Variants in CFAP54 observed in about 807,000 individuals in gnomAD.
The protein encoded by CFAP54 is cilia and flagella associated protein 54, also known as cilia- and flagella-associated protein 54.
CFAP54 carries 290 observed loss-of-function variants against 370.4 expected under a neutral mutation model. The observed-to-expected ratio is 0.78, with a 90% CI of 0.71 to 0.86. CFAP54 has a LOEUF of 0.86. CFAP54 is among the 40% of genes least tolerant of loss of function. The pLI is 0.00. For synonymous variants in CFAP54, 1,206 were observed against 1,236.5 expected (o/e 0.98, Z 0.52); for missense variants, 3,399 against 3,528.7 (o/e 0.96, Z 0.93).
intron 58 of CFAP54, among the ~76,000 whole-genome samples, chr12:96,757,866 A>ATACAGTTATG (rs767126654): frequency 7.9e-5 from 12 of 152,188 alleles, no homozygotes; most frequent in Admixed American, 2.0e-4. Context: ...ATATATAAAT[A>ATACAGTTATG]TACAGTTATG....
At chr12:96,870,238 C>T (rs1017576455) in intron 67 of CFAP54, among the ~76,000 whole-genome samples, 3 of 150,634 alleles carry the variant, frequency 2.0e-5, no homozygotes, top group South Asian at 2.1e-4. Context: ...TCCAGCCTGG[C>T]GACAGAGTGA....
intron 8 of CFAP54, among the ~76,000 whole-genome samples, chr12:96,524,225 T>C (rs1955350728): frequency 6.6e-6 from 1 of 152,208 alleles, no homozygotes. Context: ...TAGTTAGTGA[T>C]TTATTCAATA....
Position 96,594,373 on chromosome 12 carries a change from A to T in CFAP54, c.3443A>T (p.Gln1148Leu), listed in dbSNP as rs1956154662. Residue 1148 changes from glutamine (Q) to leucine (L), a missense_variant, in exon 25 of 68, where the codon CAA becomes CTA. This residue lies in a region of CFAP54 where 2,796 missense variants were observed against 2,869.7 expected (regional missense o/e 0.97). Transcript: ENST00000524981. ...CTAAATGATTCCAGCTATGCCCTTC[A>T]AGCTGTGACTCAATGTTATGGACTT... ...NFLNDSSYALQAVTQCYGLLA... is the reference protein window; with the variant it reads ...NFLNDSSYALLAVTQCYGLLA... The T allele has an allele frequency of 6.5e-7, 1 of 1,534,510 alleles. No individual in the cohort carries two copies. The highest frequency in any genetic ancestry group is 1.4e-5 in the African/African-American group (1 of 73,016).
At chr12:96,725,990 G>A (rs1277503020) in intron 50 of CFAP54, among the ~76,000 whole-genome samples, 15 of 146,094 alleles carry the variant, frequency 1.0e-4, no homozygotes, top group East Asian at 3.9e-4. Context: ...ATTGATTTGC[G>A]TATATTGAAC....
At chr12:96,689,021 A>G (rs748418585) in intron 43 of CFAP54, 39 bp downstream of exon 43, 3 of 1,278,378 alleles carry the variant, frequency 2.3e-6, no homozygotes, top group Non-Finnish European at 3.2e-6. Context: ...ATTGTAGCAC[A>G]ACCATTCATT....
chr12:96,604,206 C>A (rs1565910859), intron 26 of CFAP54, among the ~76,000 whole-genome samples: 2 of 151,820 alleles, frequency 1.3e-5, no homozygotes, highest in East Asian at 3.9e-4. Context: ...TTCTAATAGG[C>A]CCCTCAGCTG....
intron 55 of CFAP54, among the ~76,000 whole-genome samples, chr12:96,746,432 C>T (rs1958115090): frequency 6.6e-6 from 1 of 152,028 alleles, no homozygotes. Flanking sequence ...AGTTCATCAC[C>T]AAGGACTTAA....
intron 19 of CFAP54, among the ~76,000 whole-genome samples, chr12:96,574,472 C>T (rs1045633225): frequency 6.6e-6 from 1 of 151,894 alleles, no homozygotes; most frequent in South Asian, 2.1e-4. Context: ...CACTAAGAGT[C>T]CTATTTTGTG....
At chr12:96,588,686 C>A (rs903508047) in intron 22 of CFAP54, among the ~76,000 whole-genome samples, 6 of 151,164 alleles carry the variant, frequency 4.0e-5, no homozygotes, top group African/African-American at 1.5e-4. Context: ...TTAGCTGTTT[C>A]CATAAAGGAT....
In CFAP54 at chr12:96,527,228, T is replaced by C. The variant is rs1328616339; in HGVS notation, c.1159-18T>C. ...AGCTTTAACAAATGGACTGAACTTT[T>C]TTTTTTCTCAATTTCAGTTATCATG... On this transcript the variant is annotated intron_variant, in intron 8 of 67. Coordinates refer to ENST00000524981, the MANE Select transcript of CFAP54 (RefSeq NM_001306084.2). The C allele has an allele frequency of 2.0e-6, 3 of 1,501,868 alleles. No individual in the cohort carries two copies. In the Admixed American group the frequency reaches 6.7e-5, roughly 34 times the overall value. 93.0% of individuals were successfully genotyped at this position (1,501,868 alleles called of 1,614,324 possible).
At chr12:96,567,284 G>T (rs546299136) in intron 19 of CFAP54, among the ~76,000 whole-genome samples, 1 of 152,320 alleles carries the variant, frequency 6.6e-6, no homozygotes, top group African/African-American at 2.4e-5. Context: ...GGAGAGGATA[G>T]TAGCACGGGA....
At chr12:96,607,643 C>T (rs921346530) in intron 26 of CFAP54, among the ~76,000 whole-genome samples, 1 of 152,142 alleles carries the variant, frequency 6.6e-6, no homozygotes, top group Non-Finnish European at 1.5e-5. Flanking sequence ...AAGGAATAGG[C>T]TTCCTGAGTC....
At chr12:96,867,296 T>A (rs559119843) in intron 67 of CFAP54, among the ~76,000 whole-genome samples, 23 of 152,176 alleles carry the variant, frequency 1.5e-4, no homozygotes, top group African/African-American at 5.3e-4. Context: ...TAAAAAAAAA[T>A]TATCAAATTC....
At chr12:96,629,469 C>T (rs946156169) in intron 30 of CFAP54, among the ~76,000 whole-genome samples, 12 of 136,230 alleles carry the variant, frequency 8.8e-5, no homozygotes, top group African/African-American at 3.1e-4. Flanking sequence ...CCACGCCCAA[C>T]TAATTTTTTT....
chr12:96,544,521 C>A (rs1317181847), intron 14 of CFAP54, among the ~76,000 whole-genome samples: 1 of 151,860 alleles, frequency 6.6e-6, no homozygotes, highest in East Asian at 1.9e-4. Flanking sequence ...ATACTCTAAT[C>A]TTCTCCTGCC....
chr12:96,646,178 G>A (rs1315142980), intron 33 of CFAP54: 2 of 152,084 alleles, frequency 1.3e-5, no homozygotes, highest in Non-Finnish European at 2.9e-5. Context: ...TACAGAATGG[G>A]AGAAAATTTT....
intron 6 of CFAP54, 113 bp downstream of exon 6, chr12:96,519,184 C>T (rs965669777): frequency 2.3e-5 from 24 of 1,051,570 alleles, no homozygotes; most frequent in African/African-American, 2.3e-4. Context: ...CTGCAACGTC[C>T]ACCTCCCAGG....
intron 48 of CFAP54, among the ~76,000 whole-genome samples, chr12:96,713,816 A>T (rs1957641954): frequency 2.6e-5 from 4 of 152,150 alleles, no homozygotes; most frequent in Admixed American, 2.6e-4. Context: ...TATTCTAGAT[A>T]AAGGGAACAA....
At chr12:96,799,458 A>G (rs973874989) in intron 63 of CFAP54, among the ~76,000 whole-genome samples, 12 of 151,592 alleles carry the variant, frequency 7.9e-5, no homozygotes, top group African/African-American at 2.9e-4. Flanking sequence ...AGCTTCTGCA[A>G]CTCCTTGACT....
Sources: gnomAD v4.1 joint callset for allele counts (sites outside exome capture counted in the v4.1 genomes callset) on GRCh38, gnomAD v4.1.1 for gene constraint, gnomAD v4.1.1 regional missense constraint, MANE v1.5 for transcripts, NCBI Gene and HGNC (gene_info 2026-07-23, HGNC 2026-07-21) for gene names.